The following SYNE2 variants were observed in gnomAD, a reference collection of about 807,000 sequenced individuals.
SYNE2 encodes nesprin-2.
In SYNE2, 431 loss-of-function variants were observed where a neutral mutation model predicts 856.3. The ratio of observed to expected loss-of-function variants is 0.50; its 90% CI spans 0.47 to 0.55. The LOEUF (loss-of-function observed/expected upper bound fraction) is 0.55, where lower values mean the gene tolerates loss of function less well. Among genes scored for constraint, SYNE2 ranks in the 20% least tolerant of loss-of-function variants. The probability of loss-of-function intolerance (pLI) is 0.00; values close to 1 mark genes in which losing one functional copy is unlikely to be tolerated. For synonymous variants in SYNE2, 2,923 were observed against 2,872.3 expected (o/e 1.02, Z -0.56); for missense variants, 8,129 against 8,023.2 (o/e 1.01, Z -0.50).
chr14:64,163,716 G>A (rs1238929265), intron 89 of SYNE2, 135 bp downstream of exon 89: 3 of 938,546 alleles, frequency 3.2e-6, no homozygotes, highest in Admixed American at 4.0e-5. Context: ...GCTCCCAAAT[G>A]TATACGATTC....
At position 64,056,264 on chromosome 14, in the gene SYNE2, AAGGT is replaced by A. The variant is rs2097267693; in HGVS notation, c.10067+3_10067+6del. The A allele has an allele frequency of 6.2e-7, 1 of 1,613,542 alleles. No homozygotes were observed. The highest frequency in any genetic ancestry group is 8.5e-7 in the Non-Finnish European group (1 of 1,179,594). ...TCAAAGCACAGGAAACTGAGGCAGAAAGGTAGGTCCTCTTCCAAAGGTAATCTTT... is the reference window on the plus strand; with the variant it reads ...TCAAAGCACAGGAAACTGAGGCAGAAAGGTCCTCTTCCAAAGGTAATCTTT... On this transcript the variant is annotated splice_donor_variant and coding_sequence_variant, in exon 49 of 116. Coordinates refer to ENST00000555002, the MANE Select transcript of SYNE2 (RefSeq NM_182914.3). LOFTEE classifies it high-confidence loss of function.
chr14:63,952,777 T>C (rs2096183111), intron 7 of SYNE2, among the ~76,000 whole-genome samples: 1 of 152,192 alleles, frequency 6.6e-6, no homozygotes, highest in African/African-American at 2.4e-5. Flanking sequence ...AGTTTTAAGC[T>C]TTTTTTCCCG....
chr14:63,972,712 C>T (rs2096488808), intron 11 of SYNE2, among the ~76,000 whole-genome samples: 1 of 152,140 alleles, frequency 6.6e-6, no homozygotes, highest in African/African-American at 2.4e-5. Context: ...GTAAACATTG[C>T]CTTCTGTTCT....
At chr14:63,788,093 T>C (rs930790561) in intron 1 of SYNE2, among the ~76,000 whole-genome samples, 2 of 152,226 alleles carry the variant, frequency 1.3e-5, no homozygotes, top group Non-Finnish European at 2.9e-5. Flanking sequence ...GTATAAGCAC[T>C]GCCGCAAGCT....
chr14:64,147,484 C>G (rs1371113368), intron 84 of SYNE2, among the ~76,000 whole-genome samples: 3 of 152,134 alleles, frequency 2.0e-5, no homozygotes, highest in South Asian at 2.1e-4. Context: ...GCAAATAGAC[C>G]TAAGTCAAGT....
intron 8 of SYNE2, chr14:63,956,456 A>G: frequency 2.2e-6 from 1 of 456,678 alleles, no homozygotes. Flanking sequence ...AACATTTAGC[A>G]GTCAACTCTC....
chr14:64,016,759 A>C, intron 33 of SYNE2, 128 bp downstream of exon 33: 1 of 699,622 alleles, frequency 1.4e-6, no homozygotes, highest in Non-Finnish European at 2.4e-6. Flanking sequence ...TATAAAACTT[A>C]GGAATTAATT....
chr14:63,958,614 A>T (rs1393787271), intron 8 of SYNE2, among the ~76,000 whole-genome samples: 1 of 152,112 alleles, frequency 6.6e-6, no homozygotes, highest in African/African-American at 2.4e-5. Context: ...TTCTCATGGT[A>T]AAGTTACTCT....
At chr14:64,209,353 G>T in intron 101 of SYNE2, 75 bp from the exon 102 acceptor site, 1 of 1,611,724 alleles carries the variant, frequency 6.2e-7, no homozygotes, top group African/African-American at 1.3e-5. Flanking sequence ...CCGTGCGGGT[G>T]TCAGGGGATA....
At chr14:64,125,031 C>T in intron 70 of SYNE2, 48 bp from the exon 71 acceptor site, 1 of 1,610,842 alleles carries the variant, frequency 6.2e-7, no homozygotes, top group South Asian at 1.1e-5. Flanking sequence ...TAATTAACAT[C>T]AGCAGGGTCT....
Position 64,125,071 on chromosome 14 carries a change from T to C in SYNE2, c.13423-8T>C, listed in dbSNP as rs764246883. 1.2e-6 allele frequency: 2 copies of C among 1,613,978 alleles called. No homozygotes were observed. Among genetic ancestry groups the C allele is most frequent in the Non-Finnish European group, 1.7e-6 (2 of 1,179,970 alleles). On this transcript the variant is annotated splice_region_variant and splice_polypyrimidine_tract_variant and intron_variant, in intron 70 of 115. Transcript: ENST00000555002. Reference sequence around the variant, plus strand: ...CTGTCAGTAATAGGGTTTTCCTTTGTCAAATAGGTTTCCACAAATATGGGT... The same window carrying C: ...CTGTCAGTAATAGGGTTTTCCTTTGCCAAATAGGTTTCCACAAATATGGGT...
At chr14:63,771,833 G>T (rs930947190) in intron 1 of SYNE2, among the ~76,000 whole-genome samples, 1 of 151,908 alleles carries the variant, frequency 6.6e-6, no homozygotes, top group Non-Finnish European at 1.5e-5. Context: ...AGAGGCGGAG[G>T]TTGCAGTGAA....
chr14:63,933,453 A>G (rs989644308), intron 2 of SYNE2, among the ~76,000 whole-genome samples: 2 of 152,342 alleles, frequency 1.3e-5, no homozygotes, highest in Non-Finnish European at 2.9e-5. Flanking sequence ...TTGCCCGCTC[A>G]CAAAAGCAGA....
chr14:63,857,332 T>TA (rs1892080009), intron 1 of SYNE2, among the ~76,000 whole-genome samples: 1 of 152,232 alleles, frequency 6.6e-6, no homozygotes, highest in Non-Finnish European at 1.5e-5. Flanking sequence ...TGTTAAGTAA[T>TA]ACTCCATTGT....
intron 8 of SYNE2, chr14:63,960,785 G>A (rs1355069032): frequency 1.3e-6 from 1 of 763,272 alleles, no homozygotes; most frequent in Middle Eastern, 2.3e-4. Context: ...CTGGCACAGT[G>A]TCTTGTGCCA....
intron 1 of SYNE2, among the ~76,000 whole-genome samples, chr14:63,864,001 T>G (rs1246238078): frequency 2.0e-5 from 3 of 152,094 alleles, no homozygotes; most frequent in African/African-American, 4.8e-5. Context: ...TTTTGTATTT[T>G]TCGTAGAAAC....
intron 2 of SYNE2, among the ~76,000 whole-genome samples, chr14:63,936,094 C>T (rs1482279496): frequency 1.3e-5 from 2 of 152,140 alleles, no homozygotes; most frequent in South Asian, 2.1e-4. Context: ...ACGCTGGTCT[C>T]GAACTTCTGA....
intron 66 of SYNE2, among the ~76,000 whole-genome samples, chr14:64,116,124 T>G (rs1280465871): frequency 6.6e-6 from 1 of 151,278 alleles, no homozygotes; most frequent in Non-Finnish European, 1.5e-5. Flanking sequence ...TGAGCTATGA[T>G]TGCACCACTG....
intron 1 of SYNE2, among the ~76,000 whole-genome samples, chr14:63,884,529 A>G (rs2094937539): frequency 6.6e-6 from 1 of 152,110 alleles, no homozygotes; most frequent in Non-Finnish European, 1.5e-5. Flanking sequence ...TGGTAGATAC[A>G]CTGAGATTGT....
Sources: allele counts gnomAD v4.1 joint callset (sites outside exome capture counted in the v4.1 genomes callset), GRCh38; gene constraint gnomAD v4.1.1; transcripts MANE v1.5; gene names NCBI Gene and HGNC (gene_info 2026-07-23, HGNC 2026-07-21).